The following CCNI variants were observed in gnomAD, a reference collection of about 807,000 sequenced individuals.
The protein encoded by CCNI is cyclin-I.
A neutral mutation model predicts 34.1 loss-of-function variants in CCNI; 14 were observed. The ratio of observed to expected loss-of-function variants is 0.41; its 90% CI spans 0.27 to 0.64. The LOEUF (loss-of-function observed/expected upper bound fraction) is 0.64, where lower values mean the gene tolerates loss of function less well. Among genes scored for constraint, CCNI ranks in the 30% least tolerant of loss-of-function variants. The probability of loss-of-function intolerance (pLI) is 0.31; values close to 1 mark genes in which losing one functional copy is unlikely to be tolerated. For missense variants in CCNI, 385 were observed against 440.5 expected (o/e 0.87, Z 1.13); for synonymous variants, 154 against 158.4 (o/e 0.97, Z 0.21).
At chr4:77,053,166 C>T (rs960698768) in intron 6 of CCNI, among the ~76,000 whole-genome samples, 1 of 152,086 alleles carries the variant, frequency 6.6e-6, no homozygotes, top group Non-Finnish European at 1.5e-5. Context: ...ATTCTATATT[C>T]TGGGATTGTG....
Position 77,075,523 on chromosome 4 carries a change from A to T in CCNI, c.-95T>A, listed in dbSNP as rs939172917. On this transcript the variant is annotated 5_prime_UTR_variant, in exon 1 of 7. An upstream open reading frame in the 5' UTR gains an earlier in-frame stop. Coordinates refer to ENST00000237654, the MANE Select transcript of CCNI (RefSeq NM_006835.3). The stretch of plus-strand genomic sequence containing the variant: ...CCTCCCCGGCAGAGCTGTAGGCCTC[A>T]CAGTGGTGACGCGGGGTCATCCGGG... 5.1e-6 allele frequency: 5 copies of T among 988,228 alleles called. No homozygotes were observed. The highest frequency in any genetic ancestry group is 1.2e-4 in the Admixed American group (2 of 16,246). The allele number at this position is 988,228 out of a possible 1,614,324, so 61.2% of individuals were successfully genotyped here.
chr4:77,059,179 T>G, intron 2 of CCNI, among the ~76,000 whole-genome samples: 1 of 151,938 alleles, frequency 6.6e-6, no homozygotes, highest in East Asian at 1.9e-4. Flanking sequence ...GAACAGGAAA[T>G]TAATCTGAAG....
chr4:77,073,315 C>A (rs1014145703), intron 1 of CCNI, among the ~76,000 whole-genome samples: 1 of 152,294 alleles, frequency 6.6e-6, no homozygotes, highest in East Asian at 1.9e-4. Context: ...GCTTACTGTA[C>A]AGCATAACTA....
intron 1 of CCNI, chr4:77,075,127 G>C (rs913019752): frequency 6.6e-6 from 1 of 152,126 alleles, no homozygotes; most frequent in Non-Finnish European, 1.5e-5. Flanking sequence ...CCCCTTCTTT[G>C]TGTATTAACA....
chr4:77,061,125 ATCACTAGC>A (rs1451078068), intron 2 of CCNI, among the ~76,000 whole-genome samples: 1 of 152,218 alleles, frequency 6.6e-6, no homozygotes, highest in Non-Finnish European at 1.5e-5. Flanking sequence ...CAATGTTATC[ATCACTAGC>A]CAAAACCAGC....
At chr4:77,048,987 T>TTTTC (rs1287137297) in intron 6 of CCNI, among the ~76,000 whole-genome samples, 1 of 138,814 alleles carries the variant, frequency 7.2e-6, no homozygotes, top group Non-Finnish European at 1.5e-5. Context: ...TTTTTTTTTT[T>TTTTC]TCAGTCTATT....
At chr4:77,058,787 G>A (rs772638793) in intron 2 of CCNI, 152 bp from the exon 3 acceptor site, 6 of 609,496 alleles carry the variant, frequency 9.8e-6, no homozygotes, top group Non-Finnish European at 1.6e-5. Context: ...TGAGACACAT[G>A]AAATAAAACT....
intron 2 of CCNI, among the ~76,000 whole-genome samples, chr4:77,065,868 G>A (rs929083517): frequency 6.6e-5 from 10 of 152,216 alleles, no homozygotes; most frequent in Non-Finnish European, 1.2e-4. Context: ...GGGAGGCCAA[G>A]GCTGGTGGAC....
At chr4:77,062,559 C>T (rs1328002502) in intron 2 of CCNI, among the ~76,000 whole-genome samples, 5 of 142,962 alleles carry the variant, frequency 3.5e-5, no homozygotes, top group African/African-American at 5.6e-5. Flanking sequence ...GACCCTGTCT[C>T]AGAAAAAAAA....
chr4:77,070,852 A>G (rs1013609213), intron 1 of CCNI, among the ~76,000 whole-genome samples: 16 of 152,336 alleles, frequency 1.1e-4, no homozygotes, highest in African/African-American at 3.4e-4. Flanking sequence ...ATCTTTATAT[A>G]AAAGAAATGG....
intron 5 of CCNI, 142 bp from the exon 6 acceptor site, chr4:77,055,522 G>C: frequency 1.6e-6 from 1 of 623,126 alleles, no homozygotes; most frequent in Non-Finnish European, 2.8e-6. Context: ...GAGTGCAGTA[G>C]CATGATCTCA....
At chr4:77,064,844 A>G (rs1027238696) in intron 2 of CCNI, 3 of 151,772 alleles carry the variant, frequency 2.0e-5, no homozygotes, top group African/African-American at 7.3e-5. Flanking sequence ...ACACCCAGCT[A>G]ATTTTTGTAT....
chr4:77,054,752 T>C (rs184121008), intron 6 of CCNI, among the ~76,000 whole-genome samples: 90 of 152,330 alleles, frequency 5.9e-4, no homozygotes, highest in African/African-American at 1.9e-3. Context: ...AATAAATTAT[T>C]TGCTTGTCTA....
At chr4:77,072,638 T>TAA (rs61247567) in intron 1 of CCNI, among the ~76,000 whole-genome samples, 1,315 of 101,302 alleles carry the variant, frequency 0.013, 14 homozygotes, top group African/African-American at 0.032. Flanking sequence ...CCCAATCTCT[T>TAA]AAAAAAAAAA....
rs372095674 is a variant in CCNI at position 77,075,501 on chromosome 4, C to A, written c.-73G>T. 4 of 987,152 alleles carry A rather than the reference C, an allele frequency of 4.1e-6. No individual in the cohort carries two copies. Among genetic ancestry groups the A allele is most frequent in the Admixed American group, 1.2e-4 (2 of 16,276 alleles). 61.1% of individuals were successfully genotyped at this position (987,152 alleles called of 1,614,324 possible). On this transcript the variant is annotated 5_prime_UTR_variant, in exon 1 of 7. It introduces an in-frame stop codon into an upstream open reading frame of the 5' UTR. Transcript: ENST00000237654. Reference sequence around the variant, plus strand: ...TCCTCCTCTTCCTCCTCCTCCTCCTCCCCGGCAGAGCTGTAGGCCTCACAG... The same window carrying A: ...TCCTCCTCTTCCTCCTCCTCCTCCTACCCGGCAGAGCTGTAGGCCTCACAG...
chr4:77,075,433 G>A (rs1362797046), intron 1 of CCNI, 39 bp downstream of exon 1: 2 of 864,286 alleles, frequency 2.3e-6, no homozygotes, highest in Non-Finnish European at 2.8e-6. Context: ...GCCGGCCGCG[G>A]AGACGCGTCG....
At chr4:77,060,148 T>C (rs1195813586) in intron 2 of CCNI, among the ~76,000 whole-genome samples, 1 of 151,698 alleles carries the variant, frequency 6.6e-6, no homozygotes, top group African/African-American at 2.4e-5. Context: ...ATGTCACTAT[T>C]TGGTGTTTGG....
Position 77,047,785 on chromosome 4 carries a change from A to G in CCNI, c.*434T>C, listed in dbSNP as rs554686198. ...GTTCATTCAACTGCAGTGAAAATCA[A>G]TATAGATCAACATGCATAAAGTTCA... On this transcript the variant is annotated 3_prime_UTR_variant, in exon 7 of 7. Transcript: ENST00000237654. 1 of 160,040 alleles carries G rather than the reference A, an allele frequency of 6.2e-6. No homozygotes were observed. Among genetic ancestry groups the G allele is most frequent in the Non-Finnish European group, 1.4e-5 (1 of 72,256 alleles). 9.9% of individuals were successfully genotyped at this position (160,040 alleles called of 1,614,324 possible).
intron 1 of CCNI, chr4:77,074,726 C>T (rs1729766088): frequency 6.6e-6 from 1 of 152,148 alleles, no homozygotes. Flanking sequence ...GAGTGGCTCC[C>T]CACTGACAGA....
Sources: allele counts gnomAD v4.1 joint callset (sites outside exome capture counted in the v4.1 genomes callset), GRCh38; gene constraint gnomAD v4.1.1; transcripts MANE v1.5; gene names NCBI Gene and HGNC (gene_info 2026-07-23, HGNC 2026-07-21).